Variants in KIF24 observed in about 807,000 individuals in gnomAD.
KIF24 encodes the protein kinesin-like protein KIF24.
In KIF24, 81 loss-of-function variants were observed where a neutral mutation model predicts 118.9. The observed-to-expected ratio is 0.68, with a 90% CI of 0.57 to 0.82. The LOEUF (loss-of-function observed/expected upper bound fraction) is 0.82, where lower values mean the gene tolerates loss of function less well. KIF24 is among the 40% of genes least tolerant of loss of function. The pLI, the probability that KIF24 is intolerant of heterozygous loss-of-function variation, is 0.00. For missense variants in KIF24, 1,560 were observed against 1,661.6 expected, an observed-to-expected ratio of 0.94 and a Z score of 1.06; for synonymous variants, 599 against 610.0, an observed-to-expected ratio of 0.98 and a Z score of 0.27.
At chr9:34,266,631 T>C (rs570448385) in intron 8 of KIF24, among the ~76,000 whole-genome samples, 7 of 149,882 alleles carry the variant, frequency 4.7e-5, no homozygotes, top group African/African-American at 1.7e-4. Context: ...TGAGCCAAGA[T>C]TGTGCCACTG....
At chr9:34,267,577 T>A (rs531242191) in intron 8 of KIF24, among the ~76,000 whole-genome samples, 9 of 152,000 alleles carry the variant, frequency 5.9e-5, no homozygotes, top group Admixed American at 1.3e-4. Flanking sequence ...TATCTTTTTT[T>A]AAAAAAGAAA....
intron 1 of KIF24, among the ~76,000 whole-genome samples, chr9:34,313,292 G>A (rs1001625923): frequency 6.6e-6 from 1 of 152,020 alleles, no homozygotes; most frequent in African/African-American, 2.4e-5. Flanking sequence ...CCCCAGGTGA[G>A]ATCAGGAAAA....
At chr9:34,327,792 G>A (rs1837719220) in intron 1 of KIF24, among the ~76,000 whole-genome samples, 1 of 151,584 alleles carries the variant, frequency 6.6e-6, no homozygotes. Context: ...CTATTATCAT[G>A]CTAGTGCACT....
rs1180997831 is a variant in KIF24 at position 34,256,186 on chromosome 9, C to T, written c.3421G>A (p.Asp1141Asn). The T allele has an allele frequency of 1.2e-6, 2 of 1,602,222 alleles. No individual in the cohort carries two copies. The highest frequency in any genetic ancestry group is 1.7e-6 in the Non-Finnish European group (2 of 1,172,600). The stretch of plus-strand genomic sequence containing the variant: ...TCTGCCTCCCTGCTGGGCAGCTTGT[C>T]AGCTGGGTGCTGACGGATGGGTGAT... ...SPSPIRQHPA[D>N]KLPSREADLG... The change falls in exon 11 of 13, where the codon GAC becomes AAC. Residue 1141 changes from aspartate (D) to asparagine (N), a missense_variant. Asp to Asn is a conservative substitution (Grantham distance 23). Transcript: ENST00000402558.
At chr9:34,280,208 C>T (rs1024206990) in intron 6 of KIF24, among the ~76,000 whole-genome samples, 3 of 140,190 alleles carry the variant, frequency 2.1e-5, no homozygotes, top group South Asian at 2.3e-4. Flanking sequence ...GGCGTGAACC[C>T]GGGAGGCGGA....
intron 8 of KIF24, among the ~76,000 whole-genome samples, chr9:34,268,822 A>G (rs1412304032): frequency 6.6e-6 from 1 of 152,106 alleles, no homozygotes; most frequent in African/African-American, 2.4e-5. Flanking sequence ...TTTCTTTAAA[A>G]TAATCCAACC....
At chr9:34,319,359 C>T in intron 1 of KIF24, 1 of 874,632 alleles carries the variant, frequency 1.1e-6, no homozygotes, top group East Asian at 2.4e-5. Flanking sequence ...GCAGAAACTC[C>T]TGGCTAGGCT....
At chr9:34,322,074 T>C (rs1837543433) in intron 1 of KIF24, among the ~76,000 whole-genome samples, 1 of 152,184 alleles carries the variant, frequency 6.6e-6, no homozygotes, top group Admixed American at 6.5e-5. Flanking sequence ...TTTAATTTGT[T>C]GTACTGTTTA....
Position 34,255,825 on chromosome 9 carries a change from C to T in KIF24, c.3782G>A (p.Arg1261Lys). Residue 1261 changes from arginine (R) to lysine (K), a missense_variant, in exon 11 of 13, where the codon AGG becomes AAG. Arg to Lys is a conservative substitution (Grantham distance 26). Around this residue, in one of 3 missense-constraint regions of KIF24, gnomAD observed 591 missense variants for 655.6 expected, o/e 0.90. Coordinates refer to ENST00000402558, the MANE Select transcript of KIF24 (RefSeq NM_194313.4). Reference sequence around the variant, plus strand: ...GGGAGAACTTGGCCTTGCTAAGCACCTTGAGATCGGCCTGGGTTTGAGCCA... The same window carrying T: ...GGGAGAACTTGGCCTTGCTAAGCACTTTGAGATCGGCCTGGGTTTGAGCCA... The part of the protein sequence containing the change: ...VTWLKPRPIS[R>K]CLARPSSPLV... 6.2e-7 allele frequency: 1 copy of T among 1,613,914 alleles called. No homozygotes were observed. The highest frequency in any genetic ancestry group is 1.1e-5 in the South Asian group (1 of 91,072).
chr9:34,331,692 A>G (rs1244240096), upstream of KIF24, among the ~76,000 whole-genome samples: 1 of 152,380 alleles, frequency 6.6e-6, no homozygotes, highest in African/African-American at 2.4e-5. Flanking sequence ...TAATAAAAAT[A>G]ATTTTAAAAA....
intron 1 of KIF24, among the ~76,000 whole-genome samples, chr9:34,314,577 C>T (rs555510505): frequency 6.6e-4 from 100 of 152,314 alleles, no homozygotes; most frequent in Non-Finnish European, 1.2e-3. Flanking sequence ...GACATAACAA[C>T]TTCAGAAAAG....
chr9:34,314,770 C>G lies in KIF24; in HGVS notation c.-25-3399G>C, dbSNP rs190310858. ...ACAGCACAGCTTGTAATAGCAAAGT[C>G]ATGGAATAGAGACTGGTGAAATAAA... is the stretch of plus-strand genomic sequence containing the variant. On this transcript the variant is annotated intron_variant, in intron 1 of 12. Transcript: ENST00000402558. Among the ~76,000 whole-genome samples, 151 of 152,240 alleles carry G rather than the reference C, an allele frequency of 9.9e-4. 1 individual carries two copies. The Middle Eastern group carries it at 0.037, about 38-fold the overall frequency.
chr9:34,310,628 AAT>A (rs777490246), intron 2 of KIF24, 94 bp downstream of exon 2: 28 of 773,606 alleles, frequency 3.6e-5, no homozygotes, highest in Non-Finnish European at 5.8e-5. Flanking sequence ...ATTTACTATA[AAT>A]AAGGAGTAGA....
intron 10 of KIF24, among the ~76,000 whole-genome samples, chr9:34,258,679 C>G (rs1006857615): frequency 6.6e-6 from 1 of 152,154 alleles, no homozygotes; most frequent in African/African-American, 2.4e-5. Flanking sequence ...CCACCACTTA[C>G]CTGCAATTCC....
At chr9:34,286,499 G>T in intron 6 of KIF24, 118 bp downstream of exon 6, 1 of 668,172 alleles carries the variant, frequency 1.5e-6, no homozygotes, top group Non-Finnish European at 2.7e-6. Flanking sequence ...GAAGTGGTGG[G>T]CTTGTCATTG....
intron 1 of KIF24, among the ~76,000 whole-genome samples, chr9:34,328,773 C>T (rs1054008253): frequency 1.3e-5 from 2 of 152,204 alleles, no homozygotes; most frequent in Non-Finnish European, 2.9e-5. Context: ...CGGAAGTAAA[C>T]AACCCAAGGG....
chr9:34,258,161 G>C (rs1834929952), intron 10 of KIF24, among the ~76,000 whole-genome samples, 180 bp from the exon 11 acceptor site: 1 of 152,166 alleles, frequency 6.6e-6, no homozygotes, highest in East Asian at 1.9e-4. Context: ...ATATCCCTCT[G>C]TACCTGAATG....
At chr9:34,280,576 C>T (rs919845589) in intron 6 of KIF24, among the ~76,000 whole-genome samples, 1 of 152,126 alleles carries the variant, frequency 6.6e-6, no homozygotes, top group Non-Finnish European at 1.5e-5. Context: ...GACTCCACAG[C>T]AGAGGAAGCT....
intron 6 of KIF24, among the ~76,000 whole-genome samples, chr9:34,281,169 G>A (rs1215085303): frequency 1.3e-5 from 2 of 152,066 alleles, no homozygotes; most frequent in African/African-American, 4.8e-5. Flanking sequence ...GGGATTACAA[G>A]CGCCCACCAC....
Sources: allele counts gnomAD v4.1 joint callset (sites outside exome capture counted in the v4.1 genomes callset), GRCh38; gene constraint gnomAD v4.1.1; regional missense constraint gnomAD v4.1.1; transcripts MANE v1.5; gene names NCBI Gene and HGNC (gene_info 2026-07-23, HGNC 2026-07-21).